EPM2A: variants seen among roughly 807,000 people sequenced by gnomAD.
EPM2A encodes laforin.
EPM2A carries 21 observed loss-of-function variants against 26.5 expected under a neutral mutation model. The observed-to-expected ratio is 0.79, with a 90% confidence interval of 0.56 to 1.14. The LOEUF (loss-of-function observed/expected upper bound fraction) is 1.14, where lower values mean the gene tolerates loss of function less well. Among genes scored for constraint, EPM2A ranks in the 50% most tolerant of loss-of-function variants. The pLI is 0.00. For synonymous variants in EPM2A, 217 were observed against 177.6 expected, an observed-to-expected ratio of 1.22 and a Z score of -1.76; for missense variants, 458 against 440.8, an observed-to-expected ratio of 1.04 and a Z score of -0.35.
intron 3 of EPM2A, 147 bp downstream of exon 3, chr6:145,635,098 C>T (rs1776544475): frequency 3.4e-6 from 3 of 870,706 alleles, no homozygotes; most frequent in African/African-American, 1.7e-5. Context: ...AGTGTCAAAA[C>T]ATATGTATTA....
intron 2 of EPM2A, among the ~76,000 whole-genome samples, chr6:145,582,170 T>A (rs1020961919): frequency 5.9e-5 from 9 of 152,324 alleles, no homozygotes; most frequent in South Asian, 2.1e-4. Flanking sequence ...AATTTTTTTT[T>A]ATTTCTGCCT....
chr6:145,446,205 C>G (rs1582130), intron 4 of EPM2A, among the ~76,000 whole-genome samples: 114,753 of 148,364 alleles, frequency 0.77, 44,568 homozygotes, highest in East Asian at 0.9. Context: ...AAGTGAAACA[C>G]CAAAGTTGAC....
At chr6:145,585,901 A>T (rs746918262) in intron 2 of EPM2A, among the ~76,000 whole-genome samples, 1 of 152,114 alleles carries the variant, frequency 6.6e-6, no homozygotes, top group African/African-American at 2.4e-5. Flanking sequence ...TATTTATCCA[A>T]TTTTTCATGA....
chr6:145,486,715 T>C (rs1605806), intron 4 of EPM2A, among the ~76,000 whole-genome samples: 12,663 of 152,204 alleles, frequency 0.083, 742 homozygotes, highest in East Asian at 0.27. Context: ...TATTTTTCTC[T>C]GTGTGTCTGA....
At position 145,708,012 on chromosome 6, in the gene EPM2A, T is replaced by A. The variant is rs556455541; in HGVS notation, c.302-21716A>T. 2.6e-5 allele frequency among the ~76,000 whole-genome samples: 4 copies of A among 152,218 alleles called. No homozygotes were observed. The South Asian group carries it at 8.3e-4, about 32-fold the overall frequency. ...AAGTCCAGACTGAGGTGGTCTCAGA[T>A]GGAGATGAGGAACTTCTTGTGAACT... On this transcript the variant is annotated intron_variant, in intron 1 of 3. Transcript: ENST00000367519.
At chr6:145,674,712 A>C (rs766319442) in intron 2 of EPM2A, among the ~76,000 whole-genome samples, 9 of 152,206 alleles carry the variant, frequency 5.9e-5, no homozygotes, top group Non-Finnish European at 4.4e-5. Flanking sequence ...AAATTAATGA[A>C]ATAAAGTAAG....
At chr6:145,604,168 T>C (rs1781453429) in intron 2 of EPM2A, among the ~76,000 whole-genome samples, 1 of 152,120 alleles carries the variant, frequency 6.6e-6, no homozygotes, top group African/African-American at 2.4e-5. Flanking sequence ...CATTAAAAAG[T>C]TTATGCTCTT....
intron 2 of EPM2A, among the ~76,000 whole-genome samples, chr6:145,588,754 G>A (rs1215408869): frequency 6.6e-6 from 1 of 152,150 alleles, no homozygotes; most frequent in African/African-American, 2.4e-5. Flanking sequence ...TGTGACTTAT[G>A]TTTTATAGTC....
At chr6:145,479,306 C>T (rs1011267104) in intron 4 of EPM2A, among the ~76,000 whole-genome samples, 6 of 146,030 alleles carry the variant, frequency 4.1e-5, no homozygotes, top group Non-Finnish European at 9.0e-5. Context: ...TATATATATA[C>T]ATATATATGT....
intron 2 of EPM2A, among the ~76,000 whole-genome samples, chr6:145,662,051 G>C (rs999367536): frequency 1.3e-5 from 2 of 152,118 alleles, no homozygotes; most frequent in African/African-American, 4.8e-5. Context: ...AGCATGCTTG[G>C]AAAGGAAATG....
chr6:145,564,358 G>C (rs1416345223), intron 2 of EPM2A, among the ~76,000 whole-genome samples: 1 of 152,128 alleles, frequency 6.6e-6, no homozygotes, highest in Admixed American at 6.6e-5. Context: ...AAAATTAACA[G>C]AGTTTATTTG....
chr6:145,678,750 A>C (rs1780264093), intron 2 of EPM2A, among the ~76,000 whole-genome samples: 1 of 152,184 alleles, frequency 6.6e-6, no homozygotes, highest in African/African-American at 2.4e-5. Context: ...TCAGGAAACA[A>C]CAGATGCTGG....
intron 4 of EPM2A, among the ~76,000 whole-genome samples, chr6:145,488,549 G>A (rs1051516157): frequency 1.0e-4 from 15 of 144,954 alleles, no homozygotes; most frequent in Non-Finnish European, 2.3e-4. Flanking sequence ...GAGAGAGAGA[G>A]ATACTTTATT....
rs113809961 is a variant in EPM2A, at chr6:145,634,262, T to C, written c.718+983A>G. Among the ~76,000 whole-genome samples the C allele has an allele frequency of 5.3e-4, 80 of 152,276 alleles. 2 individuals are homozygous for C. In the Middle Eastern group the frequency reaches 0.031, roughly 58 times the overall value. The stretch of plus-strand genomic sequence containing the variant: ...CCGACTGTAGTTATCTCTACTCCTC[T>C]TCGACAAGTACCCTATTCTACAACC... On this transcript the variant is annotated intron_variant, in intron 3 of 3. Transcript: ENST00000367519.
intron 4 of EPM2A, among the ~76,000 whole-genome samples, chr6:145,456,398 C>A (rs1216275752): frequency 1.3e-5 from 2 of 152,056 alleles, no homozygotes; most frequent in Non-Finnish European, 2.9e-5. Flanking sequence ...ACAGTTGAAG[C>A]ATTTGCACTC....
downstream of EPM2A, among the ~76,000 whole-genome samples, chr6:145,499,175 A>T (rs942132881): frequency 1.2e-4 from 19 of 152,220 alleles, no homozygotes; most frequent in African/African-American, 4.6e-4. Context: ...CTCACTCAAG[A>T]TGAAGAAAAA....
Position 145,627,134 on chromosome 6 carries a change from G to A in EPM2A, c.*282C>T. ...TGTAAAGCAAAGGCCTCGTCTGCCT[G>A]CAGGCAGCAGGAACTGCACGCATTA... On this transcript the variant is annotated 3_prime_UTR_variant, in exon 4 of 4. Coordinates refer to ENST00000367519, the MANE Select transcript of EPM2A (RefSeq NM_005670.4). The A allele has an allele frequency of 7.5e-7, 1 of 1,338,548 alleles. No homozygotes were observed. Among genetic ancestry groups the A allele is most frequent in the Non-Finnish European group, 9.6e-7 (1 of 1,039,470 alleles). 82.9% of individuals were successfully genotyped at this position (1,338,548 alleles called of 1,614,324 possible). A position where few individuals can be genotyped will look rare whatever the true frequency, so the allele number is the denominator to read the frequency against.
chr6:145,403,039 A>G (rs892970141), intron 4 of EPM2A, among the ~76,000 whole-genome samples: 4 of 152,128 alleles, frequency 2.6e-5, no homozygotes, highest in African/African-American at 7.2e-5. Flanking sequence ...TTACACTTCA[A>G]TGTTTGCCAC....
At chr6:145,424,844 T>C (rs966394962) in intron 4 of EPM2A, among the ~76,000 whole-genome samples, 19 of 152,212 alleles carry the variant, frequency 1.2e-4, no homozygotes, top group Admixed American at 1.0e-3. Context: ...GCTGAAACCT[T>C]GATCATAGAT....
Sources: allele counts gnomAD v4.1 joint callset (sites outside exome capture counted in the v4.1 genomes callset), GRCh38; gene constraint gnomAD v4.1.1; transcripts MANE v1.5; gene names NCBI Gene and HGNC (gene_info 2026-07-23, HGNC 2026-07-21).